The following NIPBL variants were observed in gnomAD, a reference collection of about 807,000 sequenced individuals.
NIPBL encodes the protein NIPBL cohesin loading factor, also known as nipped-B-like protein.
A neutral mutation model predicts 321.8 loss-of-function variants in NIPBL; 19 were observed. The ratio of observed to expected loss-of-function variants is 0.06; its 90% CI spans 0.04 to 0.09. The LOEUF is 0.09. NIPBL is among the 10% of genes least tolerant of loss of function. The pLI is 1.00. For synonymous variants in NIPBL, 1,106 were observed against 1,114.1 expected, an observed-to-expected ratio of 0.99 and a Z score of 0.14; for missense variants, 2,210 against 3,327.0, an observed-to-expected ratio of 0.66 and a Z score of 8.26.
chr5:36,971,759 CT>C, intron 7 of NIPBL, 185 bp from the exon 8 acceptor site: 1 of 963,302 alleles, frequency 1.0e-6, no homozygotes, highest in Non-Finnish European at 1.2e-6. Flanking sequence ...GCTGTTGATT[CT>C]TTTGGATACA....
chr5:36,878,926 G>A lies in NIPBL; in HGVS notation c.-80+1748G>A, dbSNP rs965424977. ...TCCCATTCCTGTCTTTGTGCTGCCT[G>A]CTCCTGTTAGACACTGTTTGCTACG... On this transcript the variant is annotated intron_variant, in intron 1 of 46. Transcript: ENST00000282516. 6.7e-5 allele frequency among the ~76,000 whole-genome samples: 10 copies of A among 149,478 alleles called. No individual in the cohort carries two copies. The East Asian group carries it at 1.8e-3, about 27-fold the overall frequency.
intron 6 of NIPBL, among the ~76,000 whole-genome samples, chr5:36,965,235 G>GC (rs1561087263): frequency 6.6e-6 from 1 of 152,062 alleles, no homozygotes; most frequent in East Asian, 1.9e-4. Flanking sequence ...CATGTTTATT[G>GC]CAGTACTATT....
chr5:37,063,742 G>GC, intron 45 of NIPBL, 48 bp from the exon 46 acceptor site: 3 of 1,544,118 alleles, frequency 1.9e-6, no homozygotes, highest in Non-Finnish European at 2.6e-6. Flanking sequence ...TGACAATCTT[G>GC]CTTGAAATAT....
intron 32 of NIPBL, among the ~76,000 whole-genome samples, chr5:37,029,688 G>C (rs1561183672): frequency 6.6e-6 from 1 of 152,058 alleles, no homozygotes; most frequent in Non-Finnish European, 1.5e-5. Flanking sequence ...TGAAAGTTCC[G>C]GTTGCTCCAC....
chr5:36,951,614 G>A (rs1444106223), intron 1 of NIPBL, among the ~76,000 whole-genome samples: 2 of 152,112 alleles, frequency 1.3e-5, no homozygotes, highest in African/African-American at 4.8e-5. Context: ...TAAAGTGCTT[G>A]ATGTGACTAC....
intron 10 of NIPBL, among the ~76,000 whole-genome samples, chr5:36,989,005 A>G (rs972435230): frequency 6.6e-6 from 1 of 152,154 alleles, no homozygotes; most frequent in Non-Finnish European, 1.5e-5. Context: ...CTAGTACCTA[A>G]CAAAATACTT....
In NIPBL at chr5:37,016,118, A is replaced by C. The variant is rs755880602; in HGVS notation, c.4724A>C (p.Lys1575Thr). 6.2e-7 allele frequency: 1 copy of C among 1,613,984 alleles called. No homozygotes were observed. Among genetic ancestry groups the C allele is most frequent in the Non-Finnish European group, 8.5e-7 (1 of 1,179,918 alleles). The part of the protein sequence containing the change: ...FVQDLLSTVN[K>T]PEWPAAELLL... ...CAAGACCTTCTTTCAACAGTCAATA[A>C]GCCTGAATGGCCAGCTGCTGAACTA... is the stretch of plus-strand genomic sequence containing the variant. Residue 1575 changes from lysine to threonine, a missense_variant, in exon 23 of 47, where the codon AAG becomes ACG. By Grantham distance (78) the Lys-to-Thr change is moderately conservative. This residue lies in a region of NIPBL where 28 missense variants were observed against 91.3 expected (regional missense o/e 0.31). Coordinates refer to ENST00000282516, the MANE Select transcript of NIPBL (RefSeq NM_133433.4).
At chr5:37,018,508 C>T (rs746113114) in intron 24 of NIPBL, among the ~76,000 whole-genome samples, 1 of 152,068 alleles carries the variant, frequency 6.6e-6, no homozygotes, top group Admixed American at 6.5e-5. Context: ...CCTTCCCTAC[C>T]CCTGCCCTGG....
chr5:37,060,499 A>G (rs1445157351), intron 44 of NIPBL, among the ~76,000 whole-genome samples: 2 of 152,214 alleles, frequency 1.3e-5, no homozygotes, highest in Non-Finnish European at 2.9e-5. Flanking sequence ...TGTTGGCAAG[A>G]TGCAAAATAA....
rs1193406828 is a variant in NIPBL at position 36,876,840 on chromosome 5, C to A, written c.-418C>A. The A allele has an allele frequency of 3.9e-5, 15 of 384,428 alleles. No individual in the cohort carries two copies. Among genetic ancestry groups the A allele is most frequent in the Admixed American group, 2.3e-4 (5 of 22,110 alleles). 23.8% of individuals were successfully genotyped at this position (384,428 alleles called of 1,614,324 possible). ...GGGCTCCTTCCCCCCGCCCTCCCCC[C>A]CCTCCCTCCGTCGGTACCGACTCAC... On this transcript the variant is annotated 5_prime_UTR_variant, in exon 1 of 47. Coordinates refer to ENST00000282516, the MANE Select transcript of NIPBL (RefSeq NM_133433.4).
intron 1 of NIPBL, among the ~76,000 whole-genome samples, chr5:36,881,321 G>A (rs1745486563): frequency 6.6e-6 from 1 of 150,968 alleles, no homozygotes; most frequent in African/African-American, 2.4e-5. Flanking sequence ...TGTAAATCTG[G>A]AGTCAGTTTT....
intron 33 of NIPBL, 61 bp from the exon 34 acceptor site, chr5:37,038,541 C>A: frequency 2.0e-6 from 3 of 1,467,050 alleles, no homozygotes; most frequent in Non-Finnish European, 2.9e-6. Flanking sequence ...AAATAATATT[C>A]TGTATAGTTT....
chr5:36,990,281 A>G (rs1272978372), intron 10 of NIPBL, among the ~76,000 whole-genome samples: 1 of 152,186 alleles, frequency 6.6e-6, no homozygotes, highest in East Asian at 1.9e-4. Flanking sequence ...TGTTACAGTT[A>G]CACTACTAAA....
At chr5:36,908,229 A>T (rs1198304149) in intron 1 of NIPBL, among the ~76,000 whole-genome samples, 4 of 152,194 alleles carry the variant, frequency 2.6e-5, no homozygotes, top group African/African-American at 9.6e-5. Context: ...GGATAAAGAG[A>T]TGAGATTACC....
chr5:37,008,560 ATAT>A lies in NIPBL; in HGVS notation c.4321-58_4321-56del, dbSNP rs1217120849. 1.9e-5 allele frequency: 16 copies of A among 852,032 alleles called. No homozygotes were observed. The East Asian group carries it at 3.6e-4, about 19-fold the overall frequency. The allele number at this position is 852,032 out of a possible 1,614,324, so 52.8% of individuals were successfully genotyped here. A position where few individuals can be genotyped will look rare whatever the true frequency, so the allele number is the denominator to read the frequency against. On this transcript the variant is annotated intron_variant, in intron 19 of 46. Coordinates refer to ENST00000282516, the MANE Select transcript of NIPBL (RefSeq NM_133433.4). ...GGCAGGTAATTTTTTAAATCACATG[ATAT>A]TATTTTTTGGTTTGTTTTCTATTAT...
chr5:36,969,841 A>G (rs1742657792), intron 6 of NIPBL, among the ~76,000 whole-genome samples: 1 of 152,226 alleles, frequency 6.6e-6, no homozygotes, highest in African/African-American at 2.4e-5. Context: ...CTCATACGCT[A>G]CCAATGAATA....
At chr5:36,919,601 AT>A (rs1349304008) in intron 1 of NIPBL, among the ~76,000 whole-genome samples, 4 of 152,198 alleles carry the variant, frequency 2.6e-5, no homozygotes, top group African/African-American at 9.6e-5. Context: ...TACAATGCTT[AT>A]TGCAATATTG....
At chr5:36,960,902 C>T (rs1474640061) in intron 4 of NIPBL, among the ~76,000 whole-genome samples, 1 of 152,084 alleles carries the variant, frequency 6.6e-6, no homozygotes. Flanking sequence ...TTCCGTTAAT[C>T]CCTACTATGT....
intron 21 of NIPBL, among the ~76,000 whole-genome samples, chr5:37,010,535 C>T (rs1021802729): frequency 6.6e-6 from 1 of 151,942 alleles, no homozygotes; most frequent in Admixed American, 6.6e-5. Flanking sequence ...AGGCTGGTCT[C>T]GAACTCATGA....
Sources: allele counts gnomAD v4.1 joint callset (sites outside exome capture counted in the v4.1 genomes callset), GRCh38; gene constraint gnomAD v4.1.1; regional missense constraint gnomAD v4.1.1; transcripts MANE v1.5; gene names NCBI Gene and HGNC (gene_info 2026-07-23, HGNC 2026-07-21).